The following PEMT variants were observed in gnomAD, a reference collection of about 807,000 sequenced individuals.
PEMT encodes the protein phospholipid methyltransferase.
Under a neutral mutation model 27.4 loss-of-function variants are expected in PEMT, and 23 were observed. The ratio of observed to expected loss-of-function variants is 0.84; its 90% CI spans 0.60 to 1.19. The LOEUF (loss-of-function observed/expected upper bound fraction) is 1.19. PEMT is among the 50% of genes most tolerant of loss of function. The probability of loss-of-function intolerance (pLI) is 0.00; values close to 1 mark genes in which losing one functional copy is unlikely to be tolerated. For missense variants in PEMT, 307 were observed against 310.1 expected, an observed-to-expected ratio of 0.99 and a Z score of 0.07; for synonymous variants, 137 against 139.1, an observed-to-expected ratio of 0.98 and a Z score of 0.11.
chr17:17,591,732 G>A (rs943288286), upstream of PEMT: 1 of 1,487,798 alleles, frequency 6.7e-7, no homozygotes, highest in Non-Finnish European at 9.0e-7. Flanking sequence ...GCGCTTTCCC[G>A]GTGACCCCCA....
At chr17:17,576,760 G>A (rs1911618986) in intron 2 of PEMT, among the ~76,000 whole-genome samples, 160 bp downstream of exon 2, 2 of 152,222 alleles carry the variant, frequency 1.3e-5, no homozygotes, top group Non-Finnish European at 2.9e-5. Flanking sequence ...ACGGCAGGAA[G>A]CGCCTAGTAC....
chr17:17,556,858 T>C (rs537884889), intron 2 of PEMT, among the ~76,000 whole-genome samples: 1 of 152,286 alleles, frequency 6.6e-6, no homozygotes, highest in Admixed American at 6.5e-5. Context: ...CAAATGCGTC[T>C]GCAGATGTCG....
At chr17:17,533,628 C>T (rs1290331875) in intron 2 of PEMT, among the ~76,000 whole-genome samples, 1 of 152,016 alleles carries the variant, frequency 6.6e-6, no homozygotes, top group Non-Finnish European at 1.5e-5. Flanking sequence ...TACAAAATGG[C>T]TAAAAGTAAA....
chr17:17,571,949 T>C (rs1045530070), intron 2 of PEMT, among the ~76,000 whole-genome samples: 1 of 152,218 alleles, frequency 6.6e-6, no homozygotes, highest in Non-Finnish European at 1.5e-5. Context: ...TCCGCCTGCC[T>C]TGGCCTCCCA....
At chr17:17,506,362 A>C (rs1046932609) in intron 5 of PEMT, 61 bp from the exon 6 acceptor site, 1 of 1,304,868 alleles carries the variant, frequency 7.7e-7, no homozygotes. Flanking sequence ...GCCACGGCCC[A>C]CCTGCCCAGG....
chr17:17,559,670 G>A (rs977142472), intron 2 of PEMT, among the ~76,000 whole-genome samples: 1 of 152,214 alleles, frequency 6.6e-6, no homozygotes, highest in Non-Finnish European at 1.5e-5. Flanking sequence ...GGGCATTTGT[G>A]GTTATCAGTG....
intron 2 of PEMT, chr17:17,570,665 G>C (rs571620606): frequency 1.0e-6 from 1 of 985,332 alleles, no homozygotes; most frequent in Non-Finnish European, 1.2e-6. Context: ...GAGGATACAG[G>C]TGGGAGGACG....
At position 17,522,344 on chromosome 17, in the gene PEMT, G is replaced by C. The variant is rs1907336286; in HGVS notation, c.256C>G (p.Pro86Ala). Residue 86 changes from proline (P) to alanine (A), a missense_variant, in exon 3 of 7, where the codon CCC (proline) becomes GCC (alanine). Pro to Ala is a conservative substitution (Grantham distance 27, BLOSUM62 -1). Transcript: ENST00000255389. ...TRKLSRAFGS[P>A]YLACYSLSVT... ...CTTAGAGAGTAGCAGGCCAGGTAGGGGGATCCGAAGGCCCTGCTCAGCTTG... is the reference window on the plus strand; with the variant it reads ...CTTAGAGAGTAGCAGGCCAGGTAGGCGGATCCGAAGGCCCTGCTCAGCTTG... 1 of 1,613,950 alleles carries C rather than the reference G, an allele frequency of 6.2e-7. No homozygotes were observed. The highest frequency in any genetic ancestry group is 2.2e-5 in the East Asian group (1 of 44,862).
intron 2 of PEMT, among the ~76,000 whole-genome samples, chr17:17,533,507 A>T (rs1318545001): frequency 1.3e-5 from 2 of 152,262 alleles, no homozygotes; most frequent in African/African-American, 4.8e-5. Context: ...AGACTTTTAT[A>T]CTTCAAATGA....
rs910964506 is a variant in PEMT, at chr17:17,515,853, T to C, written c.321-3199A>G. On this transcript the variant is annotated intron_variant, in intron 3 of 6. Transcript: ENST00000255389. Reference sequence around the variant, plus strand: ...AGACTCATTCATTTGCCTTGGGTTCTATTTTTAAGACCTGGATTGAACCTT... The same window carrying C: ...AGACTCATTCATTTGCCTTGGGTTCCATTTTTAAGACCTGGATTGAACCTT... 2.0e-5 allele frequency among the ~76,000 whole-genome samples: 3 copies of C among 152,248 alleles called. No homozygotes were observed. The East Asian group carries it at 5.8e-4, about 29-fold the overall frequency.
chr17:17,505,842 G>A lies in PEMT; in HGVS notation c.660C>T (p.Phe220=). The A allele has an allele frequency of 6.2e-7, 1 of 1,610,214 alleles. No homozygotes were observed. The highest frequency in any genetic ancestry group is 8.5e-7 in the Non-Finnish European group (1 of 1,178,032). Residue 220 remains phenylalanine (F), a synonymous_variant, in exon 7 of 7, where the codon TTC becomes TTT. Transcript: ENST00000255389. ...YIVALLYEEP[F]TAEIYRQKAS... is the part of the protein sequence containing the mutation. ...CTTTCTGCCGGTAGATCTCAGCGGT[G>A]AAGGGCCTGCCGGGCAGCGGGGAGA...
At chr17:17,560,332 C>T (rs1910384780) in intron 2 of PEMT, among the ~76,000 whole-genome samples, 2 of 152,160 alleles carry the variant, frequency 1.3e-5, no homozygotes, top group South Asian at 2.1e-4. Flanking sequence ...ACCAAGGGGC[C>T]GCCCCATCCC....
intron 2 of PEMT, among the ~76,000 whole-genome samples, chr17:17,549,459 A>C (rs1283040618): frequency 1.3e-5 from 2 of 152,158 alleles, no homozygotes; most frequent in Non-Finnish European, 2.9e-5. Flanking sequence ...AAGTGCTGGG[A>C]TCACAGGTGT....
At chr17:17,586,279 A>AGAAT (rs1912296980) in intron 1 of PEMT, among the ~76,000 whole-genome samples, 1 of 111,104 alleles carries the variant, frequency 9.0e-6, no homozygotes, top group African/African-American at 4.5e-5. Flanking sequence ...AAAGAAAGAA[A>AGAAT]GAAAGAAAGA....
intron 2 of PEMT, among the ~76,000 whole-genome samples, chr17:17,531,621 CAAAAAAAAAAAAA>C (rs58165466): frequency 3.2e-5 from 2 of 62,384 alleles, no homozygotes; most frequent in African/African-American, 1.1e-4. Flanking sequence ...CTATCATATG[CAAAAAAAAAAAAA>C]AAAAAAAAAA....
At chr17:17,533,857 A>G (rs769579627) in intron 2 of PEMT, among the ~76,000 whole-genome samples, 10 of 152,038 alleles carry the variant, frequency 6.6e-5, no homozygotes, top group African/African-American at 1.5e-4. Context: ...CAGCCTCCCA[A>G]GTAGCTGGGA....
At chr17:17,583,096 C>T (rs1004848117) in intron 1 of PEMT, among the ~76,000 whole-genome samples, 1 of 150,806 alleles carries the variant, frequency 6.6e-6, no homozygotes, top group African/African-American at 2.4e-5. Flanking sequence ...TATTCTCTGG[C>T]CGTGCCCAGT....
intron 3 of PEMT, among the ~76,000 whole-genome samples, chr17:17,521,606 C>G (rs1356092379): frequency 6.6e-6 from 1 of 152,158 alleles, no homozygotes; most frequent in African/African-American, 2.4e-5. Flanking sequence ...CTCTGTTGCC[C>G]CAGGCTGGAG....
chr17:17,567,513 CCA>C (rs1910905352), intron 2 of PEMT, among the ~76,000 whole-genome samples: 1 of 152,288 alleles, frequency 6.6e-6, no homozygotes. Flanking sequence ...CTGAAAGATC[CCA>C]CACTCATGTG....
Sources: allele counts gnomAD v4.1 joint callset (sites outside exome capture counted in the v4.1 genomes callset), GRCh38; gene constraint gnomAD v4.1.1; transcripts MANE v1.5; gene names NCBI Gene and HGNC (gene_info 2026-07-23, HGNC 2026-07-21).